The following NACC2 variants were observed in gnomAD, a reference collection of about 807,000 sequenced individuals.
The protein encoded by NACC2 is nucleus accumbens-associated protein 2.
Under a neutral mutation model 25.1 loss-of-function variants are expected in NACC2, and 8 were observed. That is an observed-to-expected ratio of 0.32 (90% confidence interval 0.19 to 0.57). The LOEUF (loss-of-function observed/expected upper bound fraction) is 0.57. Among genes scored for constraint, NACC2 ranks in the 20% least tolerant of loss-of-function variants. The probability of loss-of-function intolerance (pLI) is 0.89; values close to 1 mark genes in which losing one functional copy is unlikely to be tolerated. For synonymous variants in NACC2, 435 were observed against 294.7 expected (o/e 1.48, Z -4.88); for missense variants, 644 against 650.2 (o/e 0.99, Z 0.10).
At chr9:136,012,667 T>C (rs1207041032) in intron 5 of NACC2, among the ~76,000 whole-genome samples, 2 of 151,444 alleles carry the variant, frequency 1.3e-5, no homozygotes, top group Non-Finnish European at 3.0e-5. Context: ...TTTTTTTTTT[T>C]TTTTTTCTTT....
At chr9:136,088,871 C>A (rs1364648986) in intron 1 of NACC2, among the ~76,000 whole-genome samples, 1 of 152,224 alleles carries the variant, frequency 6.6e-6, no homozygotes, top group Admixed American at 6.5e-5. Flanking sequence ...CAGCCCAGCC[C>A]CCGGCATCCT....
intron 1 of NACC2, among the ~76,000 whole-genome samples, chr9:136,077,510 T>C (rs1448154132): frequency 6.6e-6 from 1 of 152,224 alleles, no homozygotes; most frequent in Non-Finnish European, 1.5e-5. Flanking sequence ...GACAGACCTT[T>C]GCAACATATG....
At chr9:136,073,738 A>G (rs576804031) in intron 1 of NACC2, among the ~76,000 whole-genome samples, 1 of 152,218 alleles carries the variant, frequency 6.6e-6, no homozygotes, top group African/African-American at 2.4e-5. Flanking sequence ...CAATTTTGGC[A>G]CAATTTGCTC....
intron 1 of NACC2, among the ~76,000 whole-genome samples, chr9:136,082,307 G>A (rs965983667): frequency 6.6e-6 from 1 of 152,210 alleles, no homozygotes; most frequent in Non-Finnish European, 1.5e-5. Context: ...GGAAGCAGAG[G>A]CCACCCCAAG....
intron 2 of NACC2, among the ~76,000 whole-genome samples, chr9:136,029,526 C>T (rs1034331074): frequency 1.3e-5 from 2 of 152,224 alleles, no homozygotes; most frequent in African/African-American, 4.8e-5. Flanking sequence ...CTGAAACATG[C>T]CCCTTGCCCA....
chr9:136,014,389 C>T (rs1433997833), intron 3 of NACC2, among the ~76,000 whole-genome samples: 4 of 152,122 alleles, frequency 2.6e-5, no homozygotes, highest in African/African-American at 4.8e-5. Context: ...ACTGTAGCCT[C>T]GACCTCCCGG....
At chr9:136,082,992 G>A (rs1455780663) in intron 1 of NACC2, among the ~76,000 whole-genome samples, 1 of 151,762 alleles carries the variant, frequency 6.6e-6, no homozygotes, top group African/African-American at 2.4e-5. Flanking sequence ...TTTTACGGCT[G>A]TCATAACTTC....
chr9:136,093,127 A>G (rs1717457), intron 1 of NACC2, among the ~76,000 whole-genome samples: 28,593 of 152,104 alleles, frequency 0.19, 5,387 homozygotes, highest in African/African-American at 0.49. Context: ...CAACATCCCG[A>G]AAAGGACAAC....
intron 2 of NACC2, among the ~76,000 whole-genome samples, chr9:136,045,506 G>A (rs889615626): frequency 6.6e-5 from 10 of 152,200 alleles, no homozygotes; most frequent in Admixed American, 3.3e-4. Context: ...ACATCTGCCC[G>A]CCCGAAGCCA....
At chr9:136,044,065 T>C (rs1250566875) in intron 2 of NACC2, among the ~76,000 whole-genome samples, 4 of 152,110 alleles carry the variant, frequency 2.6e-5, no homozygotes, top group Non-Finnish European at 4.4e-5. Flanking sequence ...CCTTAAGAGA[T>C]CTGCCCACCT....
chr9:136,031,806 G>C (rs1318885107), intron 2 of NACC2, among the ~76,000 whole-genome samples: 4 of 152,212 alleles, frequency 2.6e-5, no homozygotes, highest in African/African-American at 9.6e-5. Context: ...CATACAGCTA[G>C]TGGCCACTCA....
chr9:136,013,190 G>T lies in NACC2; in HGVS notation c.1255+9C>A. On this transcript the variant is annotated intron_variant, in intron 5 of 5. Coordinates refer to ENST00000277554, the MANE Select transcript of NACC2 (RefSeq NM_144653.5). This position sits in a 1 kb window ranked among gnomAD's most constrained non-coding sequence, Gnocchi z 6.6. ...GCCCCACCCACCCGAGAGACCCCCA[G>T]GCTCTTACATTTCACAGCGTTCAGG... 1.7e-6 allele frequency: 1 copy of T among 572,180 alleles called. No individual in the cohort carries two copies. The highest frequency in any genetic ancestry group is 5.8e-5 in the East Asian group (1 of 17,222). The allele number at this position is 572,180 out of a possible 1,614,324, so 35.4% of individuals were successfully genotyped here. A position where few individuals can be genotyped will look rare whatever the true frequency, so the allele number is the denominator to read the frequency against.
At chr9:136,032,493 C>T (rs559803160) in intron 2 of NACC2, among the ~76,000 whole-genome samples, 1 of 152,316 alleles carries the variant, frequency 6.6e-6, no homozygotes, top group East Asian at 1.9e-4. Flanking sequence ...ACAGTGGAAG[C>T]TTTTCCTGAG....
At chr9:136,057,738 C>T (rs558299754) in intron 1 of NACC2, among the ~76,000 whole-genome samples, 44 of 152,270 alleles carry the variant, frequency 2.9e-4, no homozygotes, top group Admixed American at 2.5e-3. Flanking sequence ...GCGGAGCGGC[C>T]GGGAGGGGAA....
At chr9:136,063,264 C>T (rs1043914219) in intron 1 of NACC2, among the ~76,000 whole-genome samples, 6 of 152,208 alleles carry the variant, frequency 3.9e-5, no homozygotes, top group Non-Finnish European at 5.9e-5. Flanking sequence ...CTGGGAGCAA[C>T]GCACCAGCGA....
Position 136,011,924 on chromosome 9 carries a change from C to A in NACC2, c.1356G>T (p.Leu452=). ...CCGGCAGCATGGACTTGATCTTGGG[C>A]AGCCAGCGCTTGCGAACGCGGCGGG... ...TNARRVRKRW[L]PKIKSMLPEG... Residue 452 remains leucine, a synonymous_variant, in exon 6 of 6, where the codon CTG becomes CTT. Transcript: ENST00000277554. 2 of 1,597,794 alleles carry A rather than the reference C, an allele frequency of 1.3e-6. No homozygotes were observed.
At chr9:136,087,300 T>G (rs1830389026) in intron 1 of NACC2, among the ~76,000 whole-genome samples, 1 of 152,226 alleles carries the variant, frequency 6.6e-6, no homozygotes. Context: ...ACCAAACCTG[T>G]GGGCTCTGTC....
intron 1 of NACC2, among the ~76,000 whole-genome samples, chr9:136,059,543 G>A (rs995115611): frequency 1.3e-5 from 2 of 152,238 alleles, no homozygotes; most frequent in African/African-American, 4.8e-5. Flanking sequence ...GAGCTGGGGG[G>A]TTGCCGAAGT....
chr9:136,045,410 C>G (rs995274818), intron 2 of NACC2, among the ~76,000 whole-genome samples: 1 of 152,200 alleles, frequency 6.6e-6, no homozygotes, highest in African/African-American at 2.4e-5. Flanking sequence ...AAAGGGTTAC[C>G]GTGGAAGTGT....
Sources: allele counts gnomAD v4.1 joint callset (sites outside exome capture counted in the v4.1 genomes callset), GRCh38; gene constraint gnomAD v4.1.1; non-coding constraint Gnocchi (gnomAD v3.1); transcripts MANE v1.5; gene names NCBI Gene and HGNC (gene_info 2026-07-23, HGNC 2026-07-21).